ATP6V0D2: variants seen among roughly 807,000 people sequenced by gnomAD.
ATP6V0D2 encodes ATPase H+ transporting V0 subunit d2.
Under a neutral mutation model 40.0 loss-of-function variants are expected in ATP6V0D2, and 40 were observed. The ratio of observed to expected loss-of-function variants is 1.00; its 90% CI spans 0.78 to 1.30. The LOEUF (loss-of-function observed/expected upper bound fraction) is 1.30, where lower values mean the gene tolerates loss of function less well. ATP6V0D2 is among the 50% of genes most tolerant of loss of function. The probability of loss-of-function intolerance (pLI) is 0.00; values close to 1 mark genes in which losing one functional copy is unlikely to be tolerated. For synonymous variants in ATP6V0D2, 179 were observed against 156.3 expected, an observed-to-expected ratio of 1.15 and a Z score of -1.08; for missense variants, 470 against 423.1, an observed-to-expected ratio of 1.11 and a Z score of -0.97.
chr8:86,108,128 C>CT (rs1360921323), intron 1 of ATP6V0D2, among the ~76,000 whole-genome samples: 1 of 152,186 alleles, frequency 6.6e-6, no homozygotes, highest in Non-Finnish European at 1.5e-5. Context: ...CCTGAATCAT[C>CT]TTTTTTTGTT....
rs74365985 is a variant in ATP6V0D2 at position 86,136,413 on chromosome 8, G to T, written c.303-3044G>T. Among the ~76,000 whole-genome samples, 44 of 152,104 alleles carry T rather than the reference G, an allele frequency of 2.9e-4. No homozygotes were observed. In the East Asian group the frequency reaches 6.8e-3, roughly 23 times the overall value. On this transcript the variant is annotated intron_variant, in intron 2 of 7. Transcript: ENST00000285393. ...TCAGATGCTTTTACATTGCAGGGGAGGTTGTGGGGAACAATTAAATGTCTG... is the reference window on the plus strand; with the variant it reads ...TCAGATGCTTTTACATTGCAGGGGATGTTGTGGGGAACAATTAAATGTCTG...
intron 5 of ATP6V0D2, among the ~76,000 whole-genome samples, chr8:86,144,961 C>A (rs1392286775): frequency 1.3e-5 from 2 of 150,304 alleles, no homozygotes; most frequent in Non-Finnish European, 1.5e-5. Context: ...TCGAGACCAG[C>A]CTGGCCAACA....
At chr8:86,124,993 G>A (rs1563560166) in intron 2 of ATP6V0D2, among the ~76,000 whole-genome samples, 1 of 152,192 alleles carries the variant, frequency 6.6e-6, no homozygotes, top group Non-Finnish European at 1.5e-5. Flanking sequence ...GTGGCATGAA[G>A]GAGGTGATGC....
chr8:86,099,472 A>C (rs555706688), intron 1 of ATP6V0D2, among the ~76,000 whole-genome samples: 7 of 152,284 alleles, frequency 4.6e-5, no homozygotes, highest in African/African-American at 1.7e-4. Flanking sequence ...ATTTTGAAGT[A>C]AGATACCACA....
chr8:86,114,201 T>A (rs1376136290), intron 2 of ATP6V0D2, among the ~76,000 whole-genome samples: 3 of 152,210 alleles, frequency 2.0e-5, no homozygotes, highest in African/African-American at 7.2e-5. Context: ...TTATGTGACA[T>A]TCTTGGATCA....
At chr8:86,129,414 G>T (rs1049625486) in intron 2 of ATP6V0D2, among the ~76,000 whole-genome samples, 3 of 152,176 alleles carry the variant, frequency 2.0e-5, no homozygotes, top group African/African-American at 7.2e-5. Context: ...GGTGGCTCAT[G>T]CCTGTAATCC....
In ATP6V0D2 at chr8:86,153,031, GA is replaced by G; in HGVS notation, c.*56del. ...TTATAAATGTTAAAAGGAAGTTATT[GA>G]AGAAAATAAAAGAAATTATGTTATA... On this transcript the variant is annotated 3_prime_UTR_variant, in exon 8 of 8. Coordinates refer to ENST00000285393, the MANE Select transcript of ATP6V0D2 (RefSeq NM_152565.1). 7.0e-7 allele frequency: 1 copy of G among 1,437,244 alleles called. No homozygotes were observed. The highest frequency in any genetic ancestry group is 1.5e-5 in the South Asian group (1 of 67,474). The allele number at this position is 1,437,244 out of a possible 1,614,324, so 89.0% of individuals were successfully genotyped here. A position where few individuals can be genotyped will look rare whatever the true frequency, so the allele number is the denominator to read the frequency against.
rs1586106362 is a variant in ATP6V0D2, at chr8:86,150,049, A to T, written c.640-63A>T. On this transcript the variant is annotated intron_variant, in intron 5 of 7. Transcript: ENST00000285393. ...ATTTCAGAAATGAATGTGTGCACTT[A>T]AGAGTCTGTTTATAGCATTTAGCAG... is the stretch of plus-strand genomic sequence containing the variant. 3 of 1,449,708 alleles carry T rather than the reference A, an allele frequency of 2.1e-6. No homozygotes were observed. In the East Asian group the frequency reaches 6.9e-5, roughly 33 times the overall value. 89.8% of individuals were successfully genotyped at this position (1,449,708 alleles called of 1,614,324 possible). A position where few individuals can be genotyped will look rare whatever the true frequency, so the allele number is the denominator to read the frequency against.
At position 86,152,989 on chromosome 8, in the gene ATP6V0D2, T is replaced by C. The variant is rs1226438024; in HGVS notation, c.*12T>C. ...TTCCAATTTTATAACCCAAGTAAGG[T>C]TCTCAAATGTAGAAAATTATAAATG... On this transcript the variant is annotated 3_prime_UTR_variant, in exon 8 of 8. Coordinates refer to ENST00000285393, the MANE Select transcript of ATP6V0D2 (RefSeq NM_152565.1). The C allele has an allele frequency of 6.4e-7, 1 of 1,560,400 alleles. No homozygotes were observed. The highest frequency in any genetic ancestry group is 8.6e-7 in the Non-Finnish European group (1 of 1,159,232).
intron 1 of ATP6V0D2, among the ~76,000 whole-genome samples, chr8:86,105,131 C>T (rs949365852): frequency 1.2e-4 from 18 of 151,938 alleles, no homozygotes; most frequent in Non-Finnish European, 2.5e-4. Context: ...TTTAGCTCCA[C>T]GGTACCTTGT....
At chr8:86,146,420 G>T (rs558214677) in intron 5 of ATP6V0D2, among the ~76,000 whole-genome samples, 2 of 152,046 alleles carry the variant, frequency 1.3e-5, no homozygotes, top group African/African-American at 4.8e-5. Context: ...ATCCAGCTAG[G>T]CATGGTAGTT....
At chr8:86,150,897 C>A (rs1415234795) in intron 6 of ATP6V0D2, among the ~76,000 whole-genome samples, 3 of 152,158 alleles carry the variant, frequency 2.0e-5, no homozygotes, top group Non-Finnish European at 4.4e-5. Context: ...TTTACATAAC[C>A]TCCAGGTAAC....
intron 1 of ATP6V0D2, among the ~76,000 whole-genome samples, chr8:86,101,343 C>T (rs748884566): frequency 1.3e-5 from 2 of 150,988 alleles, no homozygotes; most frequent in Admixed American, 6.6e-5. Context: ...GCCTGTAGTC[C>T]CAGCTGCTTG....
chr8:86,148,358 T>C (rs371576478), intron 5 of ATP6V0D2, among the ~76,000 whole-genome samples: 1 of 152,176 alleles, frequency 6.6e-6, no homozygotes, highest in South Asian at 2.1e-4. Context: ...ATAATCTCCA[T>C]GAGAGCAATC....
Position 86,115,358 on chromosome 8 carries a change from A to ATTTTTTTTTTTTTTT in ATP6V0D2, c.302+1492_302+1506dup, listed in dbSNP as rs564384965. Among the ~76,000 whole-genome samples, 22 of 73,288 alleles carry ATTTTTTTTTTTTTTT rather than the reference A, an allele frequency of 3.0e-4. 3 individuals are homozygous for ATTTTTTTTTTTTTTT. Among genetic ancestry groups the ATTTTTTTTTTTTTTT allele is most frequent in the African/African-American group, 1.1e-3 (19 of 17,874 alleles). 48.1% of individuals were successfully genotyped at this position (73,288 alleles called of 152,430 possible). A position where few individuals can be genotyped will look rare whatever the true frequency, so the allele number is the denominator to read the frequency against. On this transcript the variant is annotated intron_variant, in intron 2 of 7. Transcript: ENST00000285393. ...CTTTCTTTGTCCTTCCGTATCATCC[A>ATTTTTTTTTTTTTTT]TTTTTTTTTTTTTTTTTTTTTTTTT...
chr8:86,147,447 C>T (rs1049725419), intron 5 of ATP6V0D2, among the ~76,000 whole-genome samples: 3 of 152,138 alleles, frequency 2.0e-5, no homozygotes, highest in Non-Finnish European at 4.4e-5. Flanking sequence ...ATACACCATA[C>T]CACACAGCGT....
intron 1 of ATP6V0D2, among the ~76,000 whole-genome samples, chr8:86,101,358 G>T (rs7004372): frequency 6.6e-6 from 1 of 150,754 alleles, no homozygotes; most frequent in Non-Finnish European, 1.5e-5. Context: ...TGCTTGGGAG[G>T]CTGTGGCAGG....
intron 5 of ATP6V0D2, among the ~76,000 whole-genome samples, chr8:86,146,955 A>G (rs1244800408): frequency 6.6e-6 from 1 of 152,038 alleles, no homozygotes; most frequent in Non-Finnish European, 1.5e-5. Flanking sequence ...GAGACCATTA[A>G]CCTCAGCTTA....
chr8:86,149,856 C>G (rs1218427469), intron 5 of ATP6V0D2, among the ~76,000 whole-genome samples: 2 of 151,970 alleles, frequency 1.3e-5, no homozygotes, highest in Non-Finnish European at 2.9e-5. Flanking sequence ...TTGCAGGGTG[C>G]CCGGGAAATA....
Sources: gnomAD v4.1 joint callset for allele counts (sites outside exome capture counted in the v4.1 genomes callset) on GRCh38, gnomAD v4.1.1 for gene constraint, MANE v1.5 for transcripts, NCBI Gene and HGNC (gene_info 2026-07-23, HGNC 2026-07-21) for gene names.